Variants in MYRF observed in about 807,000 individuals in gnomAD.
MYRF encodes myelin gene regulatory factor.
MYRF carries 16 observed loss-of-function variants against 126.3 expected under a neutral mutation model. The observed-to-expected ratio is 0.13, with a 90% CI of 0.09 to 0.19. MYRF has a LOEUF of 0.19. Ranked by LOEUF, MYRF falls within the 10% of genes least tolerant of loss-of-function variation. The pLI, the probability that MYRF is intolerant of heterozygous loss-of-function variation, is 1.00. For missense variants in MYRF, 1,104 were observed against 1,547.0 expected (o/e 0.71, Z 4.80); for synonymous variants, 608 against 635.3 (o/e 0.96, Z 0.65).
chr11:61,774,263 G>A, intron 8 of MYRF, 101 bp downstream of exon 8: 8 of 1,128,344 alleles, frequency 7.1e-6, no homozygotes, highest in South Asian at 1.6e-5. Context: ...TGTGGCTCAC[G>A]CCTGTAATCC....
At chr11:61,764,815 G>A (rs558345341) in intron 1 of MYRF, among the ~76,000 whole-genome samples, 37 of 152,332 alleles carry the variant, frequency 2.4e-4, no homozygotes, top group Non-Finnish European at 4.0e-4. Flanking sequence ...CGGGGCCAGC[G>A]CAGAGGGCCC....
chr11:61,763,841 G>T (rs2065971364), intron 1 of MYRF, among the ~76,000 whole-genome samples: 1 of 152,114 alleles, frequency 6.6e-6, no homozygotes, highest in Admixed American at 6.5e-5. Context: ...CTCCAGCCTG[G>T]GAGACCGAGC....
intron 25 of MYRF, chr11:61,784,716 A>C (rs1428073444): frequency 7.9e-6 from 2 of 253,368 alleles, no homozygotes; most frequent in Non-Finnish European, 1.5e-5. Context: ...GGCTCACTGG[A>C]GGTGTCTGCA....
At position 61,778,283 on chromosome 11, in the gene MYRF, T is replaced by C; in HGVS notation, c.1904-97T>C. ...AATCCAAATCTCTGGGTTCCAGAAC[T>C]TCACCCTCTCCAGTCTTGCTCCCAC... On this transcript the variant is annotated intron_variant, in intron 13 of 26. Transcript: ENST00000278836. This position sits in a 1 kb window ranked among gnomAD's most constrained non-coding sequence, Gnocchi z 4.6. 2 of 845,358 alleles carry C rather than the reference T, an allele frequency of 2.4e-6. No individual in the cohort carries two copies. The highest frequency in any genetic ancestry group is 4.1e-6 in the Non-Finnish European group (2 of 491,830). The allele number at this position is 845,358 out of a possible 1,614,324, so 52.4% of individuals were successfully genotyped here.
Position 61,776,085 on chromosome 11 carries a change from C to T in MYRF, c.1341C>T (p.Ile447=), listed in dbSNP as rs774713037. Reference sequence around the variant, plus strand: ...AGGCCCTGAACCAGTCCATTAACATCGAGCAGTCCCAGTCAGACCGGAGCA... The same window carrying T: ...AGGCCCTGAACCAGTCCATTAACATTGAGCAGTCCCAGTCAGACCGGAGCA... ...KLEALNQSIN[I]EQSQSDRSKR... Residue 447 remains isoleucine (I), a synonymous_variant, in exon 9 of 27, where the codon ATC becomes ATT. Transcript: ENST00000278836. The surrounding 1 kb of genome is among the most constrained non-coding windows in gnomAD (Gnocchi z 4.3). 6.8e-6 allele frequency: 11 copies of T among 1,613,910 alleles called. No homozygotes were observed. The highest frequency in any genetic ancestry group is 5.3e-5 in the African/African-American group (4 of 74,888).
Position 61,781,044 on chromosome 11 carries a change from G to A in MYRF, c.2571G>A (p.Leu857=). Residue 857 remains leucine (L), a splice_region_variant and synonymous_variant, in exon 20 of 27, where the codon CTG becomes CTA. Coordinates refer to ENST00000278836, the MANE Select transcript of MYRF (RefSeq NM_001127392.3). The part of the protein sequence containing the change: ...GLPGIQPSLL[L]VTTSLTSSAP... ...CAGGCATACAGCCCTCTTTGCTGCT[G>A]GGTGCGTGTCTGGGCAGGTCTGGGT... is the stretch of plus-strand genomic sequence containing the variant. 1 of 1,609,926 alleles carries A rather than the reference G, an allele frequency of 6.2e-7. No homozygotes were observed. The highest frequency in any genetic ancestry group is 1.7e-4 in the Middle Eastern group (1 of 6,056).
Position 61,781,704 on chromosome 11 carries a change from C to T in MYRF, c.2896C>T (p.Pro966Ser), listed in dbSNP as rs756325317. The change falls in exon 22 of 27, where the codon CCT becomes TCT. Residue 966 changes from proline (P) to serine (S), a missense_variant. Physicochemically the swap from Pro to Ser is moderately conservative, Grantham distance 74. This residue lies in a region of MYRF where 323 missense variants were observed against 383.1 expected (regional missense o/e 0.84). Transcript: ENST00000278836. ...EPLASPAVPFPGGQGKAKNSP... is the reference protein window; with the variant it reads ...EPLASPAVPFSGGQGKAKNSP... Reference sequence around the variant, plus strand: ...TCTGGCCAGCCCTGCAGTCCCCTTCCCTGGGGGGCAGGGCAAAGCCAAGAA... The same window carrying T: ...TCTGGCCAGCCCTGCAGTCCCCTTCTCTGGGGGGCAGGGCAAAGCCAAGAA... The T allele has an allele frequency of 6.2e-7, 1 of 1,613,564 alleles. No individual in the cohort carries two copies. Among genetic ancestry groups the T allele is most frequent in the East Asian group, 2.2e-5 (1 of 44,868 alleles).
Position 61,757,107 on chromosome 11 carries a change from C to G in MYRF, c.46+4317C>G, listed in dbSNP as rs778414894. ...CCTTCCCACCTTCCTCTTCACGGAC[C>G]TAGCACCTTCCTGGGCCTCAGTTTC... On this transcript the variant is annotated intron_variant, in intron 1 of 26. Coordinates refer to ENST00000278836, the MANE Select transcript of MYRF (RefSeq NM_001127392.3). This position sits in a 1 kb window ranked among gnomAD's most constrained non-coding sequence, Gnocchi z 4.7. 4.8e-5 allele frequency: 22 copies of G among 454,374 alleles called. No homozygotes were observed. The highest frequency in any genetic ancestry group is 9.8e-5 in the Non-Finnish European group (22 of 224,990). The allele number at this position is 454,374 out of a possible 1,614,324, so 28.1% of individuals were successfully genotyped here. A position where few individuals can be genotyped will look rare whatever the true frequency, so the allele number is the denominator to read the frequency against.
rs1195674668 is a variant in MYRF, at chr11:61,774,121, A to G, written c.1270A>G (p.Lys424Glu). The G allele has an allele frequency of 6.2e-7, 1 of 1,613,508 alleles. No homozygotes were observed. The highest frequency in any genetic ancestry group is 1.1e-5 in the South Asian group (1 of 91,056). ...PKYVKTPEGL[K>E]PLDCFYLKLH... The stretch of plus-strand genomic sequence containing the variant: ...GTACGTCAAGACGCCCGAGGGCCTC[A>G]AGCCCCTCGACTGCTTCTATCTGAA... Residue 424 changes from lysine (K) to glutamate (E), a missense_variant, in exon 8 of 27, where the codon AAG (lysine) becomes GAG (glutamate). By Grantham distance (56) the Lys-to-Glu change is moderately conservative. This residue lies in a region of MYRF where 36 missense variants were observed against 47.5 expected (regional missense o/e 0.76). Transcript: ENST00000278836.
At chr11:61,759,801 G>A (rs937249864) in intron 1 of MYRF, among the ~76,000 whole-genome samples, 1 of 152,136 alleles carries the variant, frequency 6.6e-6, no homozygotes, top group African/African-American at 2.4e-5. Context: ...ATAGAAAAAC[G>A]GCTCAAGAGC....
Position 61,763,028 on chromosome 11 carries a change from A to G in MYRF, c.47-2597A>G, listed in dbSNP as rs61896137. Among the ~76,000 whole-genome samples the G allele has an allele frequency of 9.7e-3, 1,472 of 152,258 alleles. 14 individuals carry two copies. The highest frequency in any genetic ancestry group is 0.024 in the Middle Eastern group (7 of 294). On this transcript the variant is annotated intron_variant, in intron 1 of 26. Coordinates refer to ENST00000278836, the MANE Select transcript of MYRF (RefSeq NM_001127392.3). Reference sequence around the variant, plus strand: ...GGGGCGATTAGGAGTGCTCCTGGCCAGGAGAGGAGGGGGCTGGGTCTGTTA... The same window carrying G: ...GGGGCGATTAGGAGTGCTCCTGGCCGGGAGAGGAGGGGGCTGGGTCTGTTA...
chr11:61,754,891 G>A (rs1317486838), intron 1 of MYRF, among the ~76,000 whole-genome samples: 2 of 152,216 alleles, frequency 1.3e-5, no homozygotes, highest in Admixed American at 1.3e-4. Flanking sequence ...AGGCCCATGT[G>A]GGGGACCCAC....
rs1425427951 is a variant in MYRF, at chr11:61,783,479, C to G, written c.3017-19C>G. ...TCTCATTTGTGTCCTGCCTTGTCAC[C>G]TTACTCCTGCCCCAACAGCCTCTCT... is the stretch of plus-strand genomic sequence containing the variant. On this transcript the variant is annotated intron_variant, in intron 22 of 26. Coordinates refer to ENST00000278836, the MANE Select transcript of MYRF (RefSeq NM_001127392.3). This position sits in a 1 kb window ranked among gnomAD's most constrained non-coding sequence, Gnocchi z 4.6. 6.2e-7 allele frequency: 1 copy of G among 1,602,342 alleles called. No homozygotes were observed. The highest frequency in any genetic ancestry group is 1.3e-5 in the African/African-American group (1 of 74,704).
At chr11:61,762,428 C>T (rs2065923450) in intron 1 of MYRF, among the ~76,000 whole-genome samples, 1 of 152,206 alleles carries the variant, frequency 6.6e-6, no homozygotes. Flanking sequence ...GCCCGGCTTC[C>T]CTTCTCTCAG....
At position 61,786,875 on chromosome 11, in the gene MYRF, C is replaced by T. The variant is rs917033790; in HGVS notation, c.*732C>T. The T allele has an allele frequency of 6.5e-6, 1 of 152,894 alleles. No homozygotes were observed. Among genetic ancestry groups the T allele is most frequent in the Admixed American group, 6.5e-5 (1 of 15,292 alleles). 9.5% of individuals were successfully genotyped at this position (152,894 alleles called of 1,614,324 possible). A position where few individuals can be genotyped will look rare whatever the true frequency, so the allele number is the denominator to read the frequency against. On this transcript the variant is annotated 3_prime_UTR_variant, in exon 27 of 27. Coordinates refer to ENST00000278836, the MANE Select transcript of MYRF (RefSeq NM_001127392.3). The surrounding 1 kb of genome is among the most constrained non-coding windows in gnomAD (Gnocchi z 4.5). ...CCTGGTGAAGCCACCCTCAGCCCTTCACAGGCCTGAACCAGTAGGGGCCAG... is the reference window on the plus strand; with the variant it reads ...CCTGGTGAAGCCACCCTCAGCCCTTTACAGGCCTGAACCAGTAGGGGCCAG...
Position 61,788,039 on chromosome 11 carries a change from C to A in MYRF, c.*1896C>A, listed in dbSNP as rs2066734377. ...GATCCAAGCTGCTTGAGGGGGTCAA[C>A]CTTGGACCAAAGTTGCCTTAAGCCT... On this transcript the variant is annotated 3_prime_UTR_variant, in exon 27 of 27. Coordinates refer to ENST00000278836, the MANE Select transcript of MYRF (RefSeq NM_001127392.3). 1 of 152,678 alleles carries A rather than the reference C, an allele frequency of 6.5e-6. No individual in the cohort carries two copies. The highest frequency in any genetic ancestry group is 2.4e-5 in the African/African-American group (1 of 41,408). The allele number at this position is 152,678 out of a possible 1,614,324, so 9.5% of individuals were successfully genotyped here. A position where few individuals can be genotyped will look rare whatever the true frequency, so the allele number is the denominator to read the frequency against.
In MYRF at chr11:61,776,595, A is replaced by G. The variant is rs2066390447; in HGVS notation, c.1499+163A>G. 6.6e-6 allele frequency among the ~76,000 whole-genome samples: 1 copy of G among 152,034 alleles called. No individual in the cohort carries two copies. The highest frequency in any genetic ancestry group is 6.5e-5 in the Admixed American group (1 of 15,274). On this transcript the variant is annotated intron_variant, in intron 10 of 26. Coordinates refer to ENST00000278836, the MANE Select transcript of MYRF (RefSeq NM_001127392.3). The surrounding 1 kb of genome is among the most constrained non-coding windows in gnomAD (Gnocchi z 4.3). The stretch of plus-strand genomic sequence containing the variant: ...ATTGACTTAAGGATGGGAAGAGCAG[A>G]AGCCTGGCTTCTGGGTTGAGAAACA...
chr11:61,785,726 G>T, intron 25 of MYRF, 74 bp from the exon 26 acceptor site: 1 of 1,287,154 alleles, frequency 7.8e-7, no homozygotes, highest in South Asian at 1.2e-5. Flanking sequence ...CCAGGACTGC[G>T]ACGGCCGTGG....
At position 61,757,178 on chromosome 11, in the gene MYRF, C is replaced by G. The variant is rs1405617471; in HGVS notation, c.46+4388C>G. 1.8e-5 allele frequency: 8 copies of G among 456,962 alleles called. No individual in the cohort carries two copies. The Admixed American group carries it at 1.9e-4, about 11-fold the overall frequency. The allele number at this position is 456,962 out of a possible 1,614,324, so 28.3% of individuals were successfully genotyped here. On this transcript the variant is annotated intron_variant, in intron 1 of 26. Coordinates refer to ENST00000278836, the MANE Select transcript of MYRF (RefSeq NM_001127392.3). This position sits in a 1 kb window ranked among gnomAD's most constrained non-coding sequence, Gnocchi z 4.7. The stretch of plus-strand genomic sequence containing the variant: ...GAGTATGTGGGGCCTCCTCTCCTAT[C>G]TCCAGGCCTTCAGCCCCGGCTGCCA...
Sources: gnomAD v4.1 joint callset for allele counts (sites outside exome capture counted in the v4.1 genomes callset) on GRCh38, gnomAD v4.1.1 for gene constraint, gnomAD v4.1.1 regional missense constraint, Gnocchi (gnomAD v3.1) non-coding constraint, MANE v1.5 for transcripts, NCBI Gene and HGNC (gene_info 2026-07-23, HGNC 2026-07-21) for gene names.